The following IFT88 variants were observed in gnomAD, a reference collection of about 807,000 sequenced individuals.
The protein encoded by IFT88 is intraflagellar transport 88, also known as intraflagellar transport protein 88 homolog.
IFT88 carries 74 observed loss-of-function variants against 119.5 expected under a neutral mutation model. The observed-to-expected ratio is 0.62, with a 90% CI of 0.51 to 0.75. The LOEUF (loss-of-function observed/expected upper bound fraction) is 0.75. IFT88 is among the 30% of genes least tolerant of loss of function. The probability of loss-of-function intolerance (pLI) is 0.00; values close to 1 mark genes in which losing one functional copy is unlikely to be tolerated. For missense variants in IFT88, 961 were observed against 977.7 expected (o/e 0.98, Z 0.23); for synonymous variants, 279 against 316.7 (o/e 0.88, Z 1.26).
chr13:20,571,421 C>T (rs1359993652), intron 1 of IFT88, among the ~76,000 whole-genome samples: 2 of 151,748 alleles, frequency 1.3e-5, no homozygotes, highest in Non-Finnish European at 2.9e-5. Flanking sequence ...GGGTAATTAG[C>T]CTTCCTCCAC....
intron 23 of IFT88, among the ~76,000 whole-genome samples, chr13:20,664,861 C>T (rs184086832): frequency 9.7e-4 from 147 of 152,174 alleles, no homozygotes; most frequent in African/African-American, 3.2e-3. Context: ...GGGCAGATCA[C>T]GAGGTCAGGA....
intron 22 of IFT88, among the ~76,000 whole-genome samples, chr13:20,658,098 ATTT>A (rs763686060): frequency 7.0e-6 from 1 of 143,250 alleles, no homozygotes. Flanking sequence ...TAATTCTAGA[ATTT>A]TTTTTTTTTT....
At position 20,644,934 on chromosome 13, in the gene IFT88, A is replaced by T; in HGVS notation, c.1925A>T (p.Tyr642Phe). ...CAATTTTGGGAAAAAGCTATTCAGT[A>T]CTTTGAAAGAGCTTCTCTTATACAG... ...DTQFWEKAIQYFERASLIQPT... is the reference protein window; with the variant it reads ...DTQFWEKAIQFFERASLIQPT... Residue 642 changes from tyrosine to phenylalanine, a missense_variant, in exon 20 of 26, where the codon TAC (tyrosine) becomes TTC (phenylalanine). Transcript: ENST00000351808. The T allele has an allele frequency of 6.4e-7, 1 of 1,572,568 alleles. No individual in the cohort carries two copies. Among genetic ancestry groups the T allele is most frequent in the African/African-American group, 1.3e-5 (1 of 74,118 alleles).
intron 24 of IFT88, among the ~76,000 whole-genome samples, chr13:20,690,008 T>C (rs1226199593): frequency 6.6e-6 from 1 of 152,216 alleles, no homozygotes; most frequent in East Asian, 1.9e-4. Context: ...ATAAGAACCT[T>C]AGAGAAGACT....
intron 7 of IFT88, among the ~76,000 whole-genome samples, chr13:20,595,107 C>A (rs1308523789): frequency 6.6e-6 from 1 of 152,078 alleles, no homozygotes; most frequent in Admixed American, 6.6e-5. Context: ...TCATTAGAAA[C>A]TTTCTCTATG....
rs572545797 is a variant in IFT88 at position 20,607,958 on chromosome 13, G to A, written c.1112+2853G>A. ...AAGTAAGATGCAAACCAGCAAGTCA[G>A]GAAGCACCTCCTCCTGGCACCACAG... On this transcript the variant is annotated intron_variant, in intron 13 of 25. Transcript: ENST00000351808. 1.0e-4 allele frequency: 63 copies of A among 621,728 alleles called. No individual in the cohort carries two copies. The African/African-American group carries it at 1.1e-3, about 10-fold the overall frequency. 38.5% of individuals were successfully genotyped at this position (621,728 alleles called of 1,614,324 possible).
At chr13:20,597,213 T>A (rs2041795494) in intron 9 of IFT88, 94 bp downstream of exon 9, 1 of 602,954 alleles carries the variant, frequency 1.7e-6, no homozygotes, top group Admixed American at 3.5e-5. Context: ...AAAATCTTAC[T>A]GGTCTTCAGG....
intron 24 of IFT88, among the ~76,000 whole-genome samples, chr13:20,689,368 T>TAA (rs545783392): frequency 8.5e-5 from 13 of 152,220 alleles, no homozygotes; most frequent in Non-Finnish European, 1.8e-4. Context: ...TACATCTGTG[T>TAA]AAAAAGTGAA....
chr13:20,651,031 A>G (rs1302595578), intron 20 of IFT88, among the ~76,000 whole-genome samples: 1 of 152,092 alleles, frequency 6.6e-6, no homozygotes, highest in African/African-American at 2.4e-5. Flanking sequence ...GTTGGTGTAT[A>G]TATCTGTCCT....
chr13:20,569,408 C>A (rs1033650611), intron 1 of IFT88, among the ~76,000 whole-genome samples: 21 of 150,900 alleles, frequency 1.4e-4, no homozygotes, highest in African/African-American at 5.1e-4. Flanking sequence ...CCCGTCTCTA[C>A]TAAAAATACA....
At chr13:20,602,624 C>T (rs1212918622) in intron 12 of IFT88, among the ~76,000 whole-genome samples, 1 of 152,180 alleles carries the variant, frequency 6.6e-6, no homozygotes, top group Non-Finnish European at 1.5e-5. Flanking sequence ...GTGGCTCACA[C>T]CTGTAATTCC....
chr13:20,615,339 G>A (rs181481312), intron 13 of IFT88, among the ~76,000 whole-genome samples: 9 of 152,148 alleles, frequency 5.9e-5, no homozygotes, highest in South Asian at 4.1e-4. Context: ...ATGTACGTAC[G>A]TGTACATATA....
intron 13 of IFT88, among the ~76,000 whole-genome samples, chr13:20,611,982 CTG>C (rs774281534): frequency 2.8e-4 from 43 of 151,386 alleles, no homozygotes; most frequent in Middle Eastern, 6.8e-3. Context: ...AAACTTAAAA[CTG>C]GAGTTAAAGA....
chr13:20,577,966 T>G (rs2037731194), intron 2 of IFT88, among the ~76,000 whole-genome samples: 1 of 151,604 alleles, frequency 6.6e-6, no homozygotes, highest in African/African-American at 2.4e-5. Flanking sequence ...AATTCAGCAG[T>G]GAAGCCATCA....
At chr13:20,653,078 G>A (rs2052063074) in intron 20 of IFT88, among the ~76,000 whole-genome samples, 1 of 152,176 alleles carries the variant, frequency 6.6e-6, no homozygotes, top group Non-Finnish European at 1.5e-5. Flanking sequence ...AGGTTTTAAG[G>A]AGGGAAGTAA....
intron 20 of IFT88, among the ~76,000 whole-genome samples, chr13:20,651,974 CAAAA>C (rs2051806227): frequency 1.3e-5 from 2 of 152,234 alleles, no homozygotes; most frequent in African/African-American, 4.8e-5. Context: ...AAGCCAGACA[CAAAA>C]GAACAAATAC....
intron 3 of IFT88, among the ~76,000 whole-genome samples, chr13:20,586,843 G>A (rs1221164612): frequency 6.6e-6 from 1 of 152,026 alleles, no homozygotes; most frequent in Non-Finnish European, 1.5e-5. Context: ...AACTTTATAT[G>A]TTATCACCTA....
chr13:20,628,316 A>G lies in IFT88; in HGVS notation c.1299+2467A>G, dbSNP rs532497054. 2.0e-5 allele frequency among the ~76,000 whole-genome samples: 3 copies of G among 152,292 alleles called. No individual in the cohort carries two copies. The South Asian group carries it at 6.2e-4, about 32-fold the overall frequency. ...AAATAGACTCTGCCAAAAAGCCCAAAGTGGATGAAATGAAGCCATTGGCCT... is the reference window on the plus strand; with the variant it reads ...AAATAGACTCTGCCAAAAAGCCCAAGGTGGATGAAATGAAGCCATTGGCCT... On this transcript the variant is annotated intron_variant, in intron 15 of 25. Coordinates refer to ENST00000351808, the MANE Select transcript of IFT88 (RefSeq NM_006531.5).
intron 24 of IFT88, among the ~76,000 whole-genome samples, chr13:20,688,101 CGA>C (rs1404582283): frequency 6.6e-6 from 1 of 152,106 alleles, no homozygotes; most frequent in Non-Finnish European, 1.5e-5. Flanking sequence ...TTTGGGAGGC[CGA>C]GGCAGGCGCA....
Sources: gnomAD v4.1 joint callset for allele counts (sites outside exome capture counted in the v4.1 genomes callset) on GRCh38, gnomAD v4.1.1 for gene constraint, MANE v1.5 for transcripts, NCBI Gene and HGNC (gene_info 2026-07-23, HGNC 2026-07-21) for gene names.